CACNA1H: variants seen among roughly 807,000 people sequenced by gnomAD.
CACNA1H encodes the protein calcium voltage-gated channel subunit alpha1 H.
Under a neutral mutation model 192.5 loss-of-function variants are expected in CACNA1H, and 149 were observed. The ratio of observed to expected loss-of-function variants is 0.77; its 90% CI spans 0.68 to 0.89. CACNA1H has a LOEUF of 0.89. Ranked by LOEUF, CACNA1H falls within the 40% of genes least tolerant of loss-of-function variation. The probability of loss-of-function intolerance (pLI) is 0.00; values close to 1 mark genes in which losing one functional copy is unlikely to be tolerated. For missense variants in CACNA1H, 4,257 were observed against 3,423.5 expected, an observed-to-expected ratio of 1.24 and a Z score of -6.08; for synonymous variants, 2,202 against 1,475.2, an observed-to-expected ratio of 1.49 and a Z score of -11.29.
chr16:1,194,179 G>C (rs946806713), intron 2 of CACNA1H, among the ~76,000 whole-genome samples: 11 of 151,972 alleles, frequency 7.2e-5, no homozygotes, highest in African/African-American at 2.7e-4. Context: ...GGCGGCCACC[G>C]GGCTGCCCCT....
intron 27 of CACNA1H, among the ~76,000 whole-genome samples, chr16:1,214,283 C>T (rs1021450083): frequency 3.3e-5 from 5 of 152,238 alleles, no homozygotes; most frequent in Admixed American, 3.3e-4. Context: ...GGTCCCCCTG[C>T]ATCCTCTCCT....
chr16:1,207,176 G>A (rs1012193339), intron 13 of CACNA1H, 58 bp downstream of exon 13: 7 of 1,549,292 alleles, frequency 4.5e-6, no homozygotes, highest in African/African-American at 1.4e-5. Context: ...CCAGAGAGGT[G>A]GAGGTGCCGT....
At chr16:1,198,342 T>C (rs1967246938) in intron 5 of CACNA1H, among the ~76,000 whole-genome samples, 1 of 152,048 alleles carries the variant, frequency 6.6e-6, no homozygotes, top group Admixed American at 6.5e-5. Flanking sequence ...CCTGCTGCCC[T>C]GGGATGGTTG....
intron 2 of CACNA1H, among the ~76,000 whole-genome samples, chr16:1,185,323 G>A (rs1336548858): frequency 5.3e-5 from 8 of 152,260 alleles, no homozygotes; most frequent in Admixed American, 2.0e-4. Context: ...GTGTGGGCCC[G>A]TCTGTCGTGA....
intron 30 of CACNA1H, among the ~76,000 whole-genome samples, 184 bp from the exon 31 acceptor site, chr16:1,216,748 A>T (rs1320427621): frequency 6.6e-6 from 1 of 152,140 alleles, no homozygotes; most frequent in African/African-American, 2.4e-5. Context: ...CGAGAGGGGC[A>T]TGGGGCTGAG....
At chr16:1,168,705 A>G (rs1359785867) in intron 2 of CACNA1H, among the ~76,000 whole-genome samples, 1 of 151,316 alleles carries the variant, frequency 6.6e-6, no homozygotes, top group East Asian at 2.0e-4. Flanking sequence ...TGCCCTCCAG[A>G]CCCTTCCAGA....
At chr16:1,176,107 T>G (rs1159423737) in intron 2 of CACNA1H, among the ~76,000 whole-genome samples, 1 of 152,242 alleles carries the variant, frequency 6.6e-6, no homozygotes, top group Non-Finnish European at 1.5e-5. Flanking sequence ...CATCGCAGAT[T>G]GGCTTGCATA....
In CACNA1H at chr16:1,218,013, G is replaced by C. The variant is rs57135930; in HGVS notation, c.5418G>C (p.Thr1806=). The change falls in exon 32 of 35, where the codon ACG becomes ACC. Residue 1806 remains threonine, a synonymous_variant. Transcript: ENST00000348261. ...TCCTCACGCTGTTCCGCGTGTCCAC[G>C]GGGGACAACTGGAACGGGATCATGA... is the stretch of plus-strand genomic sequence containing the variant. ...MAFLTLFRVS[T]GDNWNGIMKD... is the part of the protein sequence containing the mutation. 94,990 of 1,600,998 alleles carry C rather than the reference G, an allele frequency of 0.059. 3,302 individuals carry two copies. Among genetic ancestry groups the C allele is most frequent in the South Asian group, 0.084 (7,504 of 89,078 alleles).
Position 1,219,148 on chromosome 16 carries a change from CCTG to C in CACNA1H, c.6048+20_6048+22del. 1 of 1,512,486 alleles carries C rather than the reference CCTG, an allele frequency of 6.6e-7. No individual in the cohort carries two copies. Among genetic ancestry groups the C allele is most frequent in the Non-Finnish European group, 8.9e-7 (1 of 1,126,602 alleles). 93.7% of individuals were successfully genotyped at this position (1,512,486 alleles called of 1,614,324 possible). On this transcript the variant is annotated intron_variant, in intron 34 of 34. Transcript: ENST00000348261. ...GCAGACAGGTAGGAGAAGCCGTTGG[CCTG>C]CAGCAGAGGCTGGCGGGGATGGGGG... is the stretch of plus-strand genomic sequence containing the variant.
intron 2 of CACNA1H, among the ~76,000 whole-genome samples, chr16:1,178,992 A>C (rs1444031604): frequency 1.3e-5 from 2 of 152,166 alleles, no homozygotes; most frequent in African/African-American, 4.8e-5. Flanking sequence ...TCCTCGGGAT[A>C]AACTGAGGCT....
At chr16:1,206,854 C>G in intron 12 of CACNA1H, 147 bp from the exon 13 acceptor site, 1 of 588,902 alleles carries the variant, frequency 1.7e-6, no homozygotes, top group South Asian at 1.9e-5. Flanking sequence ...AGCTCGGGCG[C>G]CCAGGGAGGG....
Position 1,208,215 on chromosome 16 carries a change from G to T in CACNA1H, c.3357G>T (p.Lys1119Asn), listed in dbSNP as rs1205567174. The T allele has an allele frequency of 1.9e-6, 3 of 1,559,426 alleles. No homozygotes were observed. Among genetic ancestry groups the T allele is most frequent in the South Asian group, 2.4e-5 (2 of 84,864 alleles). The change falls in exon 16 of 35, where the codon AAG becomes AAT. Residue 1119 changes from lysine to asparagine, a missense_variant. Physicochemically the swap from Lys to Asn is moderately conservative, Grantham distance 94 (BLOSUM62 0). Transcript: ENST00000348261. ...GGGACCCGCCACTGGGAGACCAGAA[G>T]CCTCCGGTAGGGACCATCTCCTGCC... ...SSGDPPLGDQ[K>N]PPASLRSSPC...
chr16:1,195,114 G>C (rs773236836), intron 3 of CACNA1H, 31 bp downstream of exon 3: 1 of 1,436,074 alleles, frequency 7.0e-7, no homozygotes, highest in South Asian at 1.2e-5. Flanking sequence ...TGGGGAAGGA[G>C]CGTGGGTCGC....
rs766649586 is a variant in CACNA1H, at chr16:1,198,729, C to T, written c.758C>T (p.Ala253Val). The T allele has an allele frequency of 6.2e-7, 1 of 1,613,056 alleles. No homozygotes were observed. Among genetic ancestry groups the T allele is most frequent in the Non-Finnish European group, 8.5e-7 (1 of 1,179,562 alleles). The stretch of plus-strand genomic sequence containing the variant: ...GGCATCGTTGGCGTCCAGCTCTGGG[C>T]TGGCCTCCTGCGGAACCGCTGCTTC... The part of the protein sequence containing the change: ...IFGIVGVQLW[A>V]GLLRNRCFLD... Residue 253 changes from alanine (A) to valine (V), a missense_variant, in exon 6 of 35, where the codon GCT (alanine) becomes GTT (valine). By Grantham distance (64) the Ala-to-Val change is moderately conservative. Transcript: ENST00000348261.
intron 3 of CACNA1H, 28 bp from the exon 4 acceptor site, chr16:1,195,404 C>G (rs987935496): frequency 6.5e-7 from 1 of 1,550,300 alleles, no homozygotes; most frequent in Non-Finnish European, 8.7e-7. Flanking sequence ...AGCTGTTCCA[C>G]GGGCCCTCCT....
At position 1,204,200 on chromosome 16, in the gene CACNA1H, G is replaced by A. The variant is rs374261511; in HGVS notation, c.2193G>A (p.Thr731=). The change falls in exon 10 of 35, where the codon ACG becomes ACA. Residue 731 remains threonine (T), a synonymous_variant. Coordinates refer to ENST00000348261, the MANE Select transcript of CACNA1H (RefSeq NM_021098.3). ...ATGGCCGTGGCGTCTATGAATTCAC[G>A]CAGGACGTCCGGCACGGTGACCGCT... ...DSDGRGVYEF[T]QDVRHGDRWD... is the part of the protein sequence containing the mutation. The A allele has an allele frequency of 3.5e-5, 56 of 1,612,150 alleles. No homozygotes were observed. The Middle Eastern group carries it at 5.0e-4, about 14-fold the overall frequency.
rs1970440132 is a variant in CACNA1H at position 1,220,952 on chromosome 16, A to G, written c.7020A>G (p.Ser2340=). 1 of 1,606,490 alleles carries G rather than the reference A, an allele frequency of 6.2e-7. No individual in the cohort carries two copies. The highest frequency in any genetic ancestry group is 8.5e-7 in the Non-Finnish European group (1 of 1,176,194). ...CTCTGGAGAAACCAGGGTCCCCCTCAGCCACCCCTGCCCCAGGGGGTGGTG... is the reference window on the plus strand; with the variant it reads ...CTCTGGAGAAACCAGGGTCCCCCTCGGCCACCCCTGCCCCAGGGGGTGGTG... ...QCPLEKPGSP[S]ATPAPGGGAD... Residue 2340 remains serine (S), a synonymous_variant, in exon 35 of 35, where the codon TCA becomes TCG. Coordinates refer to ENST00000348261, the MANE Select transcript of CACNA1H (RefSeq NM_021098.3).
At chr16:1,206,685 C>G (rs1037231812) in intron 12 of CACNA1H, 1 of 439,180 alleles carries the variant, frequency 2.3e-6, no homozygotes. Flanking sequence ...CGGGCTTTCA[C>G]AGTCCAGAGA....
intron 3 of CACNA1H, among the ~76,000 whole-genome samples, 152 bp from the exon 4 acceptor site, chr16:1,195,280 G>A (rs1402731184): frequency 6.9e-5 from 10 of 144,306 alleles, no homozygotes; most frequent in African/African-American, 1.8e-4. Flanking sequence ...GGTTCAAGGC[G>A]AGGCAGGGCT....
Sources: allele counts gnomAD v4.1 joint callset (sites outside exome capture counted in the v4.1 genomes callset), GRCh38; gene constraint gnomAD v4.1.1; transcripts MANE v1.5; gene names NCBI Gene and HGNC (gene_info 2026-07-23, HGNC 2026-07-21).